The following PIK3R5 variants were observed in gnomAD, a reference collection of about 807,000 sequenced individuals.
PIK3R5 encodes the protein phosphoinositide-3-kinase regulatory subunit 5.
PIK3R5 carries 32 observed loss-of-function variants against 94.9 expected under a neutral mutation model. That is an observed-to-expected ratio of 0.34 (90% CI 0.25 to 0.45). The LOEUF (loss-of-function observed/expected upper bound fraction) is 0.45, where lower values mean the gene tolerates loss of function less well. PIK3R5 is among the 20% of genes least tolerant of loss of function. The pLI, the probability that PIK3R5 is intolerant of heterozygous loss-of-function variation, is 1.00. For synonymous variants in PIK3R5, 443 were observed against 479.4 expected, an observed-to-expected ratio of 0.92 and a Z score of 0.99; for missense variants, 853 against 1,144.6, an observed-to-expected ratio of 0.75 and a Z score of 3.68.
chr17:8,885,886 C>T (rs868352823), intron 14 of PIK3R5, among the ~76,000 whole-genome samples: 5 of 104,512 alleles, frequency 4.8e-5, no homozygotes, highest in African/African-American at 2.2e-4. Context: ...CCCTGCCTCC[C>T]GGTAACCCTG....
Position 8,881,686 on chromosome 17 carries a change from T to C in PIK3R5, c.2326A>G (p.Asn776Asp), listed in dbSNP as rs1171279011. 6.2e-7 allele frequency: 1 copy of C among 1,613,980 alleles called. No individual in the cohort carries two copies. Among genetic ancestry groups the C allele is most frequent in the Admixed American group, 1.7e-5 (1 of 59,998 alleles). Reference sequence around the variant, plus strand: ...TGCCTTTTCACCACTTCTGTCAGGTTTAGCGTCAGGGCCTCCATGCTGGAA... The same window carrying C: ...TGCCTTTTCACCACTTCTGTCAGGTCTAGCGTCAGGGCCTCCATGCTGGAA... Reference protein sequence around the residue: ...LDSSMEALTLNLTEVVKRQNS... With the variant: ...LDSSMEALTLDLTEVVKRQNS... The change falls in exon 17 of 19, where the codon AAC becomes GAC. Residue 776 changes from asparagine (N) to aspartate (D), a missense_variant. This residue lies in a region of PIK3R5 where 173 missense variants were observed against 274.1 expected (regional missense o/e 0.63). Transcript: ENST00000447110. This position sits in a 1 kb window ranked among gnomAD's most constrained non-coding sequence, Gnocchi z 4.8.
intron 1 of PIK3R5, among the ~76,000 whole-genome samples, chr17:8,958,750 TTCTC>T (rs1312391874): frequency 6.6e-6 from 1 of 151,720 alleles, no homozygotes; most frequent in Non-Finnish European, 1.5e-5. Context: ...ACCTTTTTTT[TTCTC>T]TCTCTCTTTT....
intron 1 of PIK3R5, among the ~76,000 whole-genome samples, chr17:8,917,912 C>T (rs928274564): frequency 2.0e-5 from 3 of 151,986 alleles, no homozygotes; most frequent in African/African-American, 7.3e-5. Flanking sequence ...TTTATGTGTA[C>T]ACTAGCATTA....
intron 5 of PIK3R5, among the ~76,000 whole-genome samples, chr17:8,903,515 T>C (rs1363520127): frequency 1.3e-5 from 2 of 150,264 alleles, no homozygotes; most frequent in East Asian, 3.9e-4. Flanking sequence ...ATATATTATG[T>C]TTTTTAGTTT....
chr17:8,932,170 A>G (rs1305045849), intron 1 of PIK3R5, among the ~76,000 whole-genome samples: 1 of 152,220 alleles, frequency 6.6e-6, no homozygotes. Context: ...ATGTTCAGAG[A>G]TTTCAAGGAA....
At position 8,890,706 on chromosome 17, in the gene PIK3R5, C is replaced by A; in HGVS notation, c.657+32G>T. 6.3e-7 allele frequency: 1 copy of A among 1,575,404 alleles called. No homozygotes were observed. Among genetic ancestry groups the A allele is most frequent in the Admixed American group, 1.8e-5 (1 of 54,902 alleles). ...AGGGTGCTACCTCCTCAGAGAGGTGCTCCACCAGAGCCCCAGGCCCCAGGT... is the reference window on the plus strand; with the variant it reads ...AGGGTGCTACCTCCTCAGAGAGGTGATCCACCAGAGCCCCAGGCCCCAGGT... On this transcript the variant is annotated intron_variant, in intron 7 of 18. Transcript: ENST00000447110. The surrounding 1 kb of genome is among the most constrained non-coding windows in gnomAD (Gnocchi z 6.1).
chr17:8,953,192 T>C (rs1174070168), intron 1 of PIK3R5, among the ~76,000 whole-genome samples: 2 of 152,230 alleles, frequency 1.3e-5, no homozygotes, highest in Non-Finnish European at 1.5e-5. Flanking sequence ...CCCCACCATC[T>C]ATCTGCTAGG....
At chr17:8,900,355 C>T (rs530485823) in intron 5 of PIK3R5, among the ~76,000 whole-genome samples, 1 of 152,292 alleles carries the variant, frequency 6.6e-6, no homozygotes, top group East Asian at 1.9e-4. Flanking sequence ...CTGGTTTCCT[C>T]ATTAATGAGC....
intron 1 of PIK3R5, among the ~76,000 whole-genome samples, chr17:8,926,649 G>A (rs2090889859): frequency 6.6e-6 from 1 of 152,042 alleles, no homozygotes; most frequent in Non-Finnish European, 1.5e-5. Flanking sequence ...AGAACAGTAT[G>A]GGGGAAACTG....
chr17:8,933,558 A>G lies in PIK3R5; in HGVS notation c.-13-22051T>C, dbSNP rs111519617. Among the ~76,000 whole-genome samples, 405 of 152,306 alleles carry G rather than the reference A, an allele frequency of 2.7e-3. 4 individuals are homozygous for G. The highest frequency in any genetic ancestry group is 9.2e-3 in the African/African-American group (382 of 41,574). The stretch of plus-strand genomic sequence containing the variant: ...CACTTCCCAATTCATTGATGAAACC[A>G]GCATAATCCTGATGTCAAAACCAGA... On this transcript the variant is annotated intron_variant, in intron 1 of 18. Coordinates refer to ENST00000447110, the MANE Select transcript of PIK3R5 (RefSeq NM_001142633.3).
intron 1 of PIK3R5, among the ~76,000 whole-genome samples, chr17:8,928,650 C>A (rs58317816): frequency 0.058 from 8,795 of 152,182 alleles, 444 homozygotes; most frequent in East Asian, 0.24. Flanking sequence ...AGTCCAATAT[C>A]CAGCAAAAAT....
chr17:8,934,564 C>T (rs2091040117), intron 1 of PIK3R5, among the ~76,000 whole-genome samples: 1 of 152,120 alleles, frequency 6.6e-6, no homozygotes, highest in South Asian at 2.1e-4. Context: ...GAATAACATG[C>T]CTTCGGTATA....
chr17:8,921,142 G>C (rs117996464), intron 1 of PIK3R5, among the ~76,000 whole-genome samples: 5,089 of 152,220 alleles, frequency 0.033, 203 homozygotes, highest in East Asian at 0.18. Context: ...CACCCGGCCT[G>C]TATTAAATAT....
intron 1 of PIK3R5, among the ~76,000 whole-genome samples, chr17:8,951,796 G>T (rs2091381749): frequency 6.6e-6 from 1 of 152,226 alleles, no homozygotes; most frequent in African/African-American, 2.4e-5. Context: ...AAGTTCAAAT[G>T]TGGATGAGAC....
In PIK3R5 at chr17:8,886,521, G is replaced by A. The variant is rs753380449; in HGVS notation, c.1990C>T (p.Arg664Cys). 3.1e-6 allele frequency: 5 copies of A among 1,612,100 alleles called. No homozygotes were observed. Among genetic ancestry groups the A allele is most frequent in the Admixed American group, 1.7e-5 (1 of 59,794 alleles). ...AGCAGCACCGGTCTGGCGGCAAAGC[G>A]GCAGTAGTAGAGTAGCATGTCAGCC... The part of the protein sequence containing the change: ...ILADMLLYYC[R>C]FAARPVLLQV... Residue 664 changes from arginine (R) to cysteine (C), a missense_variant, in exon 13 of 19, where the codon CGC becomes TGC. This residue lies in a region of PIK3R5 where 173 missense variants were observed against 274.1 expected (regional missense o/e 0.63). Transcript: ENST00000447110.
At chr17:8,948,671 T>C (rs1011159863) in intron 1 of PIK3R5, among the ~76,000 whole-genome samples, 1 of 152,182 alleles carries the variant, frequency 6.6e-6, no homozygotes, top group Admixed American at 6.6e-5. Context: ...AAAAGCACTG[T>C]TGTGAGGATG....
intron 1 of PIK3R5, among the ~76,000 whole-genome samples, chr17:8,958,820 G>A (rs765153691): frequency 2.0e-4 from 30 of 150,652 alleles, no homozygotes; most frequent in Non-Finnish European, 2.9e-4. Flanking sequence ...GTGCAATGGC[G>A]CGATCTCGGC....
chr17:8,886,624 G>A lies in PIK3R5; in HGVS notation c.1906-19C>T. ...GGGACTGCTGTGGCCAGAGGGAAGG[G>A]GCAGCCAAGCCAGATGGGTGGGTGG... On this transcript the variant is annotated intron_variant, in intron 12 of 18. Coordinates refer to ENST00000447110, the MANE Select transcript of PIK3R5 (RefSeq NM_001142633.3). The A allele has an allele frequency of 6.4e-7, 1 of 1,560,636 alleles. No homozygotes were observed. The highest frequency in any genetic ancestry group is 2.2e-5 in the East Asian group (1 of 44,560).
intron 1 of PIK3R5, among the ~76,000 whole-genome samples, chr17:8,953,895 C>G (rs2091422255): frequency 6.6e-6 from 1 of 152,062 alleles, no homozygotes; most frequent in African/African-American, 2.4e-5. Context: ...TTGGAGGAGG[C>G]AGAGGGTCCA....
Sources: allele counts gnomAD v4.1 joint callset (sites outside exome capture counted in the v4.1 genomes callset), GRCh38; gene constraint gnomAD v4.1.1; regional missense constraint gnomAD v4.1.1; non-coding constraint Gnocchi (gnomAD v3.1); transcripts MANE v1.5; gene names NCBI Gene and HGNC (gene_info 2026-07-23, HGNC 2026-07-21).